The following GART variants were observed in gnomAD, a reference collection of about 807,000 sequenced individuals.
GART encodes trifunctional purine biosynthetic protein adenosine-3.
Under a neutral mutation model 107.2 loss-of-function variants are expected in GART, and 43 were observed. The observed-to-expected ratio is 0.40, with a 90% CI of 0.31 to 0.52. The LOEUF (loss-of-function observed/expected upper bound fraction) is 0.52. GART is among the 20% of genes least tolerant of loss of function. The pLI is 0.52. For synonymous variants in GART, 434 were observed against 427.0 expected, an observed-to-expected ratio of 1.02 and a Z score of -0.20; for missense variants, 1,107 against 1,206.5, an observed-to-expected ratio of 0.92 and a Z score of 1.22.
intron 7 of GART, chr21:33,529,839 G>T (rs2085149117): frequency 6.5e-6 from 1 of 154,226 alleles, no homozygotes; most frequent in South Asian, 2.0e-4. Flanking sequence ...TCAATGAAAA[G>T]AATAGGTGAG....
At chr21:33,516,543 C>T (rs912999608) in intron 16 of GART, among the ~76,000 whole-genome samples, 6 of 152,136 alleles carry the variant, frequency 3.9e-5, no homozygotes, top group African/African-American at 7.2e-5. Flanking sequence ...ATGATGTTAC[C>T]GCCTACTCAC....
chr21:33,516,045 C>T (rs906968329), intron 16 of GART, among the ~76,000 whole-genome samples: 11 of 151,436 alleles, frequency 7.3e-5, no homozygotes, highest in Admixed American at 3.9e-4. Context: ...GTCAGGAATT[C>T]GAAACCAGCC....
chr21:33,521,104 T>G, intron 12 of GART, 89 bp from the exon 13 acceptor site: 1 of 999,696 alleles, frequency 1.0e-6, no homozygotes, highest in Non-Finnish European at 1.5e-6. Flanking sequence ...AAAACCAGTA[T>G]ATTTAGCGGC....
At chr21:33,539,380 A>G in intron 1 of GART, 24 bp from the exon 2 acceptor site, 1 of 1,543,718 alleles carries the variant, frequency 6.5e-7, no homozygotes, top group Non-Finnish European at 8.7e-7. Flanking sequence ...ACCACAGTTT[A>G]TATCTTAGGA....
At chr21:33,519,132 C>T (rs979951574) in intron 14 of GART, 24 of 274,836 alleles carry the variant, frequency 8.7e-5, no homozygotes, top group Non-Finnish European at 8.7e-5. Flanking sequence ...ATCTTGTCAG[C>T]GTGGAAAAGG....
intron 14 of GART, 51 bp from the exon 15 acceptor site, chr21:33,517,659 T>C (rs1443895217): frequency 1.3e-6 from 2 of 1,590,958 alleles, no homozygotes; most frequent in African/African-American, 1.3e-5. Context: ...TAAATCTGTC[T>C]AGGAAACAGT....
rs940437722 is a variant in GART at position 33,504,264 on chromosome 21, T to C, written c.2893A>G (p.Arg965Gly). The part of the protein sequence containing the change: ...IILQEAVPVK[R>G]GDTVATLSER... The stretch of plus-strand genomic sequence containing the variant: ...GAAAGAGTTGCGACAGTATCACCCC[T>C]CTTCACGGGAACAGCTTCTTGCAAA... Residue 965 changes from arginine to glycine, a missense_variant, in exon 22 of 22, where the codon AGG becomes GGG. By Grantham distance (125) the Arg-to-Gly change is moderately radical. Transcript: ENST00000381815. The C allele has an allele frequency of 1.2e-6, 2 of 1,614,208 alleles. No individual in the cohort carries two copies. Among genetic ancestry groups the C allele is most frequent in the Admixed American group, 1.7e-5 (1 of 60,016 alleles).
rs781397736 is a variant in GART, at chr21:33,535,232, C to T, written c.234G>A (p.Leu78=). The T allele has an allele frequency of 1.3e-6, 2 of 1,571,180 alleles. No homozygotes were observed. The highest frequency in any genetic ancestry group is 8.6e-7 in the Non-Finnish European group (1 of 1,160,774). ...EFVVVGPEAP[L]AAGIVGNLRS... ...AACAGAAACAAACTTTACCAGCAGC[C>T]AGAGGTGCTTCTGGTCCAACAACTA... The change falls in exon 3 of 22, where the codon CTG becomes CTA. Residue 78 remains leucine (L), a synonymous_variant. Transcript: ENST00000381815.
In GART at chr21:33,520,815, C is replaced by G. The variant is rs559016658; in HGVS notation, c.1503+91G>C. 4.3e-5 allele frequency: 42 copies of G among 969,140 alleles called. No homozygotes were observed. The African/African-American group carries it at 6.7e-4, about 16-fold the overall frequency. The allele number at this position is 969,140 out of a possible 1,614,324, so 60.0% of individuals were successfully genotyped here. A position where few individuals can be genotyped will look rare whatever the true frequency, so the allele number is the denominator to read the frequency against. ...GGTTATTTGGCATGGTCCTTTTTAG[C>G]TCATATATGTCAAGAGAAGAAAAAT... On this transcript the variant is annotated intron_variant, in intron 13 of 21. Coordinates refer to ENST00000381815, the MANE Select transcript of GART (RefSeq NM_000819.5).
At chr21:33,521,889 G>A (rs1215792846) in intron 12 of GART, among the ~76,000 whole-genome samples, 3 of 148,508 alleles carry the variant, frequency 2.0e-5, no homozygotes, top group East Asian at 2.0e-4. Context: ...AAATCAGGAT[G>A]CAGAGGTTGC....
intron 7 of GART, among the ~76,000 whole-genome samples, chr21:33,530,523 G>C (rs1027622864): frequency 5.9e-5 from 9 of 152,094 alleles, no homozygotes; most frequent in Non-Finnish European, 1.2e-4. Flanking sequence ...GGGAATAGGA[G>C]GATCTATTCA....
At chr21:33,542,816 C>G (rs529171052), upstream of GART, 286 of 529,834 alleles carry the variant, frequency 5.4e-4, no homozygotes, top group African/African-American at 4.9e-3. Context: ...TCAAGAGAGA[C>G]GGCTCCTGTA....
At chr21:33,521,428 G>C (rs1047088944) in intron 12 of GART, among the ~76,000 whole-genome samples, 1 of 151,092 alleles carries the variant, frequency 6.6e-6, no homozygotes, top group African/African-American at 2.4e-5. Flanking sequence ...TCAGGAGATC[G>C]AGACCATCCT....
intron 16 of GART, among the ~76,000 whole-genome samples, chr21:33,513,111 G>GTCTC (rs1569014152): frequency 4.8e-5 from 2 of 41,590 alleles, no homozygotes; most frequent in African/African-American, 1.9e-4. Flanking sequence ...GTCTCTGTGT[G>GTCTC]TGTGTGTGTG....
chr21:33,516,348 T>A (rs2084879391), intron 16 of GART, among the ~76,000 whole-genome samples: 1 of 152,020 alleles, frequency 6.6e-6, no homozygotes, highest in East Asian at 1.9e-4. Context: ...TTCTTTTCAG[T>A]CACTCTACTT....
chr21:33,528,667 T>C, intron 8 of GART, 63 bp from the exon 9 acceptor site: 2 of 1,186,924 alleles, frequency 1.7e-6, no homozygotes, highest in Non-Finnish European at 2.4e-6. Context: ...GACACTGTAT[T>C]ACAAATATAA....
intron 6 of GART, 94 bp from the exon 7 acceptor site, chr21:33,530,978 T>A (rs1040218427): frequency 1.6e-6 from 2 of 1,242,676 alleles, no homozygotes; most frequent in African/African-American, 3.2e-5. Context: ...TAATTCTTCT[T>A]TGAGGAAAAG....
In GART at chr21:33,504,203, G is replaced by A; in HGVS notation, c.2954C>T (p.Pro985Leu). Reference sequence around the variant, plus strand: ...ACTGGCCACCAGCTGAAGGGCTGCAGGAAATATTTTATGTTCTGCTAATTT... The same window carrying A: ...ACTGGCCACCAGCTGAAGGGCTGCAAGAAATATTTTATGTTCTGCTAATTT... ...RVKLAEHKIF[P>L]AALQLVASGT... The change falls in exon 22 of 22, where the codon CCT becomes CTT. Residue 985 changes from proline to leucine, a missense_variant. Physicochemically the swap from Pro to Leu is moderately conservative, Grantham distance 98. Transcript: ENST00000381815. 1 of 1,614,172 alleles carries A rather than the reference G, an allele frequency of 6.2e-7. No homozygotes were observed. Among genetic ancestry groups the A allele is most frequent in the Non-Finnish European group, 8.5e-7 (1 of 1,180,028 alleles).
intron 3 of GART, 76 bp from the exon 4 acceptor site, chr21:33,534,829 C>CA: frequency 3.1e-6 from 4 of 1,281,512 alleles, no homozygotes; most frequent in Non-Finnish European, 4.3e-6. Context: ...GAATTAGTAT[C>CA]AGACTATATC....
Sources: gnomAD v4.1 joint callset for allele counts (sites outside exome capture counted in the v4.1 genomes callset) on GRCh38, gnomAD v4.1.1 for gene constraint, MANE v1.5 for transcripts, NCBI Gene and HGNC (gene_info 2026-07-23, HGNC 2026-07-21) for gene names.